Variants in CCDC169 observed in about 807,000 individuals in gnomAD.
CCDC169 encodes the protein coiled-coil domain containing 169.
In CCDC169, 30 loss-of-function variants were observed where a neutral mutation model predicts 36.0. The ratio of observed to expected loss-of-function variants is 0.83; its 90% CI spans 0.62 to 1.13. CCDC169 has a LOEUF of 1.13. CCDC169 is among the 50% of genes most tolerant of loss of function. The pLI is 0.00. For synonymous variants in CCDC169, 85 were observed against 81.5 expected (o/e 1.04, Z -0.23); for missense variants, 245 against 245.9 (o/e 1.00, Z 0.03).
At chr13:36,272,751 A>T (rs1432173526) in intron 4 of CCDC169, among the ~76,000 whole-genome samples, 3 of 151,952 alleles carry the variant, frequency 2.0e-5, no homozygotes, top group Non-Finnish European at 4.4e-5. Flanking sequence ...TCATTCTTAG[A>T]CCTCTATCTC....
At chr13:36,243,482 A>G (rs868539579) in intron 7 of CCDC169, among the ~76,000 whole-genome samples, 1 of 151,652 alleles carries the variant, frequency 6.6e-6, no homozygotes, top group African/African-American at 2.4e-5. Context: ...AACCTGGGTG[A>G]CAGAGCAAGA....
intron 7 of CCDC169, among the ~76,000 whole-genome samples, chr13:36,243,891 T>A (rs1872170260): frequency 6.6e-6 from 1 of 152,318 alleles, no homozygotes. Flanking sequence ...CAACTCCCAG[T>A]AATATTCAAT....
chr13:36,283,775 A>G lies in CCDC169; in HGVS notation c.164-73T>C, dbSNP rs1338281148. ...ATTTATTCATTAAAATAACATTATG[A>G]GCTTGATCTTACTCTATTACTATAT... On this transcript the variant is annotated intron_variant, in intron 2 of 7. Coordinates refer to ENST00000239859, the MANE Select transcript of CCDC169 (RefSeq NM_001144981.3). 60 of 1,145,200 alleles carry G rather than the reference A, an allele frequency of 5.2e-5. 1 individual carries two copies. The highest frequency in any genetic ancestry group is 4.3e-4 in the Admixed American group (20 of 46,816). The allele number at this position is 1,145,200 out of a possible 1,614,324, so 70.9% of individuals were successfully genotyped here.
chr13:36,250,841 T>A (rs1217200671), intron 6 of CCDC169, among the ~76,000 whole-genome samples: 1 of 152,172 alleles, frequency 6.6e-6, no homozygotes, highest in Non-Finnish European at 1.5e-5. Flanking sequence ...ATAAGAGGCA[T>A]CATATGATGT....
chr13:36,245,303 T>C (rs1872364794), intron 7 of CCDC169, among the ~76,000 whole-genome samples: 1 of 148,972 alleles, frequency 6.7e-6, no homozygotes, highest in Admixed American at 6.7e-5. Flanking sequence ...TGTGTTTTTG[T>C]TTTTTTTTTC....
chr13:36,233,447 A>C (rs1052861748), intron 7 of CCDC169, among the ~76,000 whole-genome samples: 4 of 152,198 alleles, frequency 2.6e-5, no homozygotes, highest in African/African-American at 9.7e-5. Context: ...TATACAAGAA[A>C]AAAAGCAACA....
At chr13:36,263,208 T>G (rs1874819194) in intron 4 of CCDC169, among the ~76,000 whole-genome samples, 1 of 55,650 alleles carries the variant, frequency 1.8e-5, no homozygotes. Context: ...AAAAAAGGGT[T>G]AGAGGTCAGA....
downstream of CCDC169, among the ~76,000 whole-genome samples, chr13:36,229,954 G>A (rs1463506489): frequency 6.6e-6 from 1 of 152,108 alleles, no homozygotes; most frequent in Admixed American, 6.5e-5. Flanking sequence ...AATATTAATA[G>A]TTAGCTAAAG....
At chr13:36,276,527 A>G (rs933253912) in intron 4 of CCDC169, among the ~76,000 whole-genome samples, 3 of 152,090 alleles carry the variant, frequency 2.0e-5, no homozygotes, top group Admixed American at 1.3e-4. Flanking sequence ...CATTCTTTTC[A>G]CCACCAGCTA....
chr13:36,287,482 T>C (rs925861843), intron 2 of CCDC169, among the ~76,000 whole-genome samples: 3 of 152,324 alleles, frequency 2.0e-5, no homozygotes. Context: ...TGCTGTCTCA[T>C]GGCTGGAGTT....
chr13:36,245,366 C>T (rs528967161), intron 7 of CCDC169, among the ~76,000 whole-genome samples: 20 of 151,994 alleles, frequency 1.3e-4, no homozygotes, highest in African/African-American at 3.4e-4. Flanking sequence ...GTGGTGCAAT[C>T]GTGGCTCACT....
At chr13:36,227,504 A>C, downstream of CCDC169, 1 of 1,098,952 alleles carries the variant, frequency 9.1e-7, no homozygotes, top group Non-Finnish European at 1.2e-6. Context: ...ACACAAAAAT[A>C]AATAAATAAA....
chr13:36,247,381 T>C (rs771031703), intron 7 of CCDC169, among the ~76,000 whole-genome samples: 1 of 152,206 alleles, frequency 6.6e-6, no homozygotes, highest in Non-Finnish European at 1.5e-5. Context: ...TTTCATAAGT[T>C]TATACCTGCC....
At chr13:36,231,865 A>G (rs1870471548) in intron 7 of CCDC169, among the ~76,000 whole-genome samples, 1 of 152,046 alleles carries the variant, frequency 6.6e-6, no homozygotes, top group African/African-American at 2.4e-5. Context: ...CTTCTCATAT[A>G]TTGTAATTTT....
At chr13:36,238,754 T>C (rs1253982918) in intron 7 of CCDC169, among the ~76,000 whole-genome samples, 2 of 152,152 alleles carry the variant, frequency 1.3e-5, no homozygotes, top group Admixed American at 6.5e-5. Context: ...CTAATGACAC[T>C]AATGATGAAG....
chr13:36,251,331 C>G (rs951220458), intron 6 of CCDC169, among the ~76,000 whole-genome samples: 6 of 152,182 alleles, frequency 3.9e-5, no homozygotes, highest in African/African-American at 1.4e-4. Flanking sequence ...ATGGTTAGAA[C>G]TGTCCTTCAC....
At chr13:36,234,097 A>G (rs1870777172) in intron 7 of CCDC169, among the ~76,000 whole-genome samples, 1 of 152,140 alleles carries the variant, frequency 6.6e-6, no homozygotes, top group Admixed American at 6.6e-5. Context: ...CCTGCTCCCA[A>G]AACCTTTTTT....
chr13:36,262,063 T>C (rs1215008785), intron 4 of CCDC169, among the ~76,000 whole-genome samples: 1 of 152,136 alleles, frequency 6.6e-6, no homozygotes, highest in Non-Finnish European at 1.5e-5. Flanking sequence ...TTCAGGAAGT[T>C]CATATAGAGG....
intron 4 of CCDC169, among the ~76,000 whole-genome samples, chr13:36,267,436 CACT>C (rs1452938925): frequency 6.6e-6 from 1 of 152,130 alleles, no homozygotes; most frequent in African/African-American, 2.4e-5. Context: ...ACCAAACCAG[CACT>C]ATAAGAAATG....
Sources: allele counts gnomAD v4.1 joint callset (sites outside exome capture counted in the v4.1 genomes callset), GRCh38; gene constraint gnomAD v4.1.1; transcripts MANE v1.5; gene names NCBI Gene and HGNC (gene_info 2026-07-23, HGNC 2026-07-21).